The following PHIP variants were observed in gnomAD, a reference collection of about 807,000 sequenced individuals.
PHIP encodes the protein PH-interacting protein.
A neutral mutation model predicts 236.8 loss-of-function variants in PHIP; 54 were observed. The ratio of observed to expected loss-of-function variants is 0.23; its 90% CI spans 0.18 to 0.29. The LOEUF is 0.29. PHIP is among the 10% of genes least tolerant of loss of function. The pLI is 1.00. For synonymous variants in PHIP, 756 were observed against 718.9 expected (o/e 1.05, Z -0.83); for missense variants, 1,370 against 2,190.8 (o/e 0.63, Z 7.48).
intron 6 of PHIP, among the ~76,000 whole-genome samples, chr6:79,052,751 T>C (rs926271645): frequency 4.6e-5 from 7 of 152,158 alleles, no homozygotes; most frequent in African/African-American, 1.7e-4. Flanking sequence ...TCTGGCACTA[T>C]ATAAAAACTT....
At chr6:79,022,850 A>T (rs1331565610) in intron 9 of PHIP, among the ~76,000 whole-genome samples, 1 of 152,218 alleles carries the variant, frequency 6.6e-6, no homozygotes, top group Non-Finnish European at 1.5e-5. Flanking sequence ...GAATTGATTC[A>T]TTCAACTAAT....
chr6:78,977,861 T>C (rs1218822733), intron 24 of PHIP, among the ~76,000 whole-genome samples: 2 of 152,164 alleles, frequency 1.3e-5, no homozygotes, highest in African/African-American at 4.8e-5. Context: ...AAGTTTTTGT[T>C]TTCTTTTTTT....
chr6:78,959,170 C>T (rs890238700), intron 31 of PHIP, among the ~76,000 whole-genome samples: 1 of 151,998 alleles, frequency 6.6e-6, no homozygotes, highest in Non-Finnish European at 1.5e-5. Flanking sequence ...AAAATAAAAT[C>T]TGGAGTTTTA....
intron 14 of PHIP, among the ~76,000 whole-genome samples, 189 bp downstream of exon 14, chr6:79,015,441 A>T (rs565442215): frequency 6.6e-6 from 1 of 151,794 alleles, no homozygotes; most frequent in African/African-American, 2.4e-5. Flanking sequence ...AACAGCAAAT[A>T]TCTACTATAT....
chr6:78,991,892 A>G (rs1197405094), intron 19 of PHIP, among the ~76,000 whole-genome samples: 1 of 151,458 alleles, frequency 6.6e-6, no homozygotes. Context: ...TGCAATAATT[A>G]TAGATTAACA....
At position 79,077,973 on chromosome 6, in the gene PHIP, G is replaced by A. The variant is rs374590803; in HGVS notation, c.40+56C>T. On this transcript the variant is annotated intron_variant, in intron 1 of 39. Transcript: ENST00000275034. Reference sequence around the variant, plus strand: ...CTGAGCGGTCGGGCGGCGGGGGGCGGGGGACCGCGGGCGGAATCGCCCGGT... The same window carrying A: ...CTGAGCGGTCGGGCGGCGGGGGGCGAGGGACCGCGGGCGGAATCGCCCGGT... 1,419 of 1,595,662 alleles carry A rather than the reference G, an allele frequency of 8.9e-4. 20 individuals are homozygous for A. The East Asian group carries it at 0.015, about 16-fold the overall frequency.
At position 78,950,930 on chromosome 6, in the gene PHIP, C is replaced by T. The variant is rs75150311; in HGVS notation, c.4054-3155G>A. ...CTCTAGGTTCTTGAGGAGTGAGCTT[C>T]GATTATTGATTTGAAACTTCTCCTT... On this transcript the variant is annotated intron_variant, in intron 35 of 39. Transcript: ENST00000275034. Among the ~76,000 whole-genome samples, 12 of 152,048 alleles carry T rather than the reference C, an allele frequency of 7.9e-5. No individual in the cohort carries two copies. The East Asian group carries it at 1.7e-3, about 22-fold the overall frequency.
chr6:78,986,718 G>C (rs199752476), intron 21 of PHIP, among the ~76,000 whole-genome samples: 34 of 151,962 alleles, frequency 2.2e-4, no homozygotes, highest in East Asian at 1.7e-3. Flanking sequence ...AATATACTTG[G>C]GACAAAAGTT....
chr6:79,026,280 A>C (rs1414645862), intron 7 of PHIP, 116 bp from the exon 8 acceptor site: 63 of 749,166 alleles, frequency 8.4e-5, no homozygotes, highest in Middle Eastern at 7.8e-4. Flanking sequence ...TTTAAATACC[A>C]AAAAGTGTTA....
At chr6:79,054,356 C>T (rs984379715) in intron 6 of PHIP, among the ~76,000 whole-genome samples, 6 of 134,028 alleles carry the variant, frequency 4.5e-5, no homozygotes, top group Non-Finnish European at 8.1e-5. Context: ...AAAAAAAAAG[C>T]GAAGTATAAA....
At chr6:79,039,339 T>C (rs1045035484) in intron 7 of PHIP, among the ~76,000 whole-genome samples, 2 of 152,160 alleles carry the variant, frequency 1.3e-5, no homozygotes, top group Admixed American at 1.3e-4. Flanking sequence ...AAGTCTGTAA[T>C]TGCCTTTCCC....
At chr6:79,049,691 A>AT (rs1353941747) in intron 6 of PHIP, among the ~76,000 whole-genome samples, 1 of 152,258 alleles carries the variant, frequency 6.6e-6, no homozygotes, top group East Asian at 1.9e-4. Flanking sequence ...TTTACCCCTC[A>AT]TATGTGCCAT....
intron 7 of PHIP, among the ~76,000 whole-genome samples, chr6:79,041,136 C>T (rs1039496205): frequency 1.3e-5 from 2 of 152,254 alleles, no homozygotes; most frequent in Non-Finnish European, 2.9e-5. Flanking sequence ...AACTACTCAA[C>T]TCTGCTGTTG....
intron 39 of PHIP, among the ~76,000 whole-genome samples, chr6:78,941,775 C>T (rs1379706225): frequency 6.6e-6 from 1 of 152,052 alleles, no homozygotes; most frequent in East Asian, 1.9e-4. Context: ...TGACTATAAT[C>T]CTAGGAAATA....
intron 27 of PHIP, among the ~76,000 whole-genome samples, chr6:78,966,887 G>GT (rs1167106787): frequency 6.6e-6 from 1 of 152,134 alleles, no homozygotes; most frequent in Non-Finnish European, 1.5e-5. Context: ...TTCAAATAAC[G>GT]TATCTGTATA....
At chr6:79,006,998 G>A (rs546738157) in intron 15 of PHIP, among the ~76,000 whole-genome samples, 1 of 152,084 alleles carries the variant, frequency 6.6e-6, no homozygotes, top group South Asian at 2.1e-4. Flanking sequence ...TTAAAAGGAG[G>A]AGATGGGAGG....
chr6:78,963,015 ATTT>A, intron 30 of PHIP, 79 bp downstream of exon 30: 2 of 1,347,960 alleles, frequency 1.5e-6, no homozygotes, highest in Non-Finnish European at 2.0e-6. Flanking sequence ...GTGAAAAAAA[ATTT>A]TTGTTGGAGA....
intron 27 of PHIP, among the ~76,000 whole-genome samples, chr6:78,967,909 C>T (rs574561241): frequency 6.6e-6 from 1 of 151,828 alleles, no homozygotes; most frequent in South Asian, 2.1e-4. Context: ...CTGAGGCGGG[C>T]GGATCACAAG....
rs376189362 is a variant in PHIP at position 78,954,919 on chromosome 6, G to A, written c.3948C>T (p.Tyr1316=). The change falls in exon 35 of 40, where the codon TAC becomes TAT. Residue 1316 remains tyrosine, a synonymous_variant. Coordinates refer to ENST00000275034, the MANE Select transcript of PHIP (RefSeq NM_017934.7). ...ACTGTTTCTTCCATGCTTGAATATC[G>A]TAAGACTGGGCTCTATTACGTAATC... ...RRRLRNRAQS[Y]DIQAWKKQCE... is the part of the protein sequence containing the mutation. The A allele has an allele frequency of 1.5e-5, 23 of 1,582,914 alleles. No individual in the cohort carries two copies. The highest frequency in any genetic ancestry group is 2.3e-5 in the South Asian group (2 of 86,554).
Sources: gnomAD v4.1 joint callset for allele counts (sites outside exome capture counted in the v4.1 genomes callset) on GRCh38, gnomAD v4.1.1 for gene constraint, MANE v1.5 for transcripts, NCBI Gene and HGNC (gene_info 2026-07-23, HGNC 2026-07-21) for gene names.